The following ATP2C2 variants were observed in gnomAD, a reference collection of about 807,000 sequenced individuals.
The protein encoded by ATP2C2 is ATPase secretory pathway Ca2+ transporting 2.
ATP2C2 carries 171 observed loss-of-function variants against 110.8 expected under a neutral mutation model. The observed-to-expected ratio is 1.54, with a 90% CI of 1.36 to 1.75. ATP2C2 has a LOEUF of 1.75. ATP2C2 is among the 40% of genes most tolerant of loss of function. The probability of loss-of-function intolerance (pLI) is 0.00; values close to 1 mark genes in which losing one functional copy is unlikely to be tolerated. For missense variants in ATP2C2, 1,963 were observed against 1,235.0 expected (o/e 1.59, Z -8.84); for synonymous variants, 804 against 508.4 (o/e 1.58, Z -7.82).
intron 23 of ATP2C2, chr16:84,460,011 G>C (rs74413265): frequency 1.3e-5 from 3 of 229,514 alleles, no homozygotes; most frequent in African/African-American, 6.7e-5. Flanking sequence ...GTGCGTAACC[G>C]TATGAGCACA....
At chr16:84,415,050 C>G (rs571970890) in intron 6 of ATP2C2, among the ~76,000 whole-genome samples, 1 of 152,080 alleles carries the variant, frequency 6.6e-6, no homozygotes, top group African/African-American at 2.4e-5. Context: ...CATGGCCCTG[C>G]GGGAATGGAG....
chr16:84,387,274 C>A (rs542101289), intron 1 of ATP2C2, among the ~76,000 whole-genome samples: 3 of 152,168 alleles, frequency 2.0e-5, no homozygotes, highest in East Asian at 1.9e-4. Flanking sequence ...GTAATCCCAG[C>A]GCGTTGGGAG....
At chr16:84,387,149 T>G (rs1276987871) in intron 1 of ATP2C2, among the ~76,000 whole-genome samples, 1 of 152,068 alleles carries the variant, frequency 6.6e-6, no homozygotes, top group African/African-American at 2.4e-5. Flanking sequence ...CCAGACTGAG[T>G]TCCACTTCTG....
At chr16:84,394,014 AAAAAT>A (rs1567692269) in intron 1 of ATP2C2, among the ~76,000 whole-genome samples, 9 of 149,066 alleles carry the variant, frequency 6.0e-5, no homozygotes, top group African/African-American at 1.8e-4. Flanking sequence ...AAAAAAATAA[AAAAAT>A]AAAAAATAAA....
chr16:84,377,533 C>T (rs978827647), intron 1 of ATP2C2, among the ~76,000 whole-genome samples: 5 of 152,040 alleles, frequency 3.3e-5, no homozygotes, highest in Non-Finnish European at 5.9e-5. Flanking sequence ...TGGCTGCCTT[C>T]CCTGTGTCTT....
chr16:84,403,508 A>T (rs1378496597), intron 2 of ATP2C2, among the ~76,000 whole-genome samples: 2 of 151,908 alleles, frequency 1.3e-5, no homozygotes, highest in African/African-American at 4.8e-5. Flanking sequence ...AGATCATGCT[A>T]TATTGCCCAG....
chr16:84,385,475 C>G (rs574517305), intron 1 of ATP2C2, among the ~76,000 whole-genome samples: 1 of 152,310 alleles, frequency 6.6e-6, no homozygotes, highest in South Asian at 2.1e-4. Context: ...CATTCTCTCT[C>G]ATTTAACGTC....
chr16:84,435,157 T>C (rs1908626864), intron 11 of ATP2C2, among the ~76,000 whole-genome samples: 3 of 152,268 alleles, frequency 2.0e-5, no homozygotes, highest in Admixed American at 2.0e-4. Context: ...CAACATTTAA[T>C]GTACCATATT....
At chr16:84,383,892 C>T (rs779379458) in intron 1 of ATP2C2, among the ~76,000 whole-genome samples, 8 of 149,942 alleles carry the variant, frequency 5.3e-5, no homozygotes, top group Admixed American at 1.3e-4. Flanking sequence ...CAGGCTCAAG[C>T]GATCCTCCAA....
chr16:84,440,773 A>T, intron 13 of ATP2C2, 84 bp from the exon 14 acceptor site: 1 of 998,534 alleles, frequency 1.0e-6, no homozygotes, highest in East Asian at 2.5e-5. Context: ...CCTGGAATGG[A>T]TCCCCAGGAC....
chr16:84,389,219 C>A (rs1248896487), intron 1 of ATP2C2, among the ~76,000 whole-genome samples: 2 of 152,180 alleles, frequency 1.3e-5, no homozygotes, highest in Non-Finnish European at 2.9e-5. Context: ...CTTCTCAGCA[C>A]CTTCATGCCT....
chr16:84,436,119 A>T (rs1292294404), intron 11 of ATP2C2, among the ~76,000 whole-genome samples: 2 of 152,320 alleles, frequency 1.3e-5, no homozygotes, highest in Admixed American at 1.3e-4. Flanking sequence ...ACAGAGTGAG[A>T]CTCCATCTCA....
chr16:84,391,915 C>CT lies in ATP2C2; in HGVS notation c.100-6573dup, dbSNP rs796746301. Among the ~76,000 whole-genome samples, 1,231 of 147,018 alleles carry CT rather than the reference C, an allele frequency of 8.4e-3. 7 individuals carry two copies. The highest frequency in any genetic ancestry group is 0.014 in the South Asian group (67 of 4,646). ...CTCCCTTCATCTTTCCTTCCTTCCT[C>CT]TTTTTTTTTTTAAAACAAAACTAGG... On this transcript the variant is annotated intron_variant, in intron 1 of 26. Transcript: ENST00000262429.
Position 84,422,430 on chromosome 16 carries a change from A to C in ATP2C2, c.665A>C (p.Glu222Ala), listed in dbSNP as rs774606455. 7.9e-5 allele frequency: 128 copies of C among 1,613,882 alleles called. No homozygotes were observed. Among genetic ancestry groups the C allele is most frequent in the Non-Finnish European group, 1.0e-4 (118 of 1,180,006 alleles). Residue 222 changes from glutamate (E) to alanine (A), a missense_variant, in exon 8 of 27, where the codon GAA (glutamate) becomes GCA (alanine). Glu to Ala is a moderately radical substitution (Grantham distance 107). Coordinates refer to ENST00000262429, the MANE Select transcript of ATP2C2 (RefSeq NM_014861.4). The part of the protein sequence containing the change: ...LLVDESSFTG[E>A]AEPCSKTDSP... ...GTGGATGAATCCAGTTTCACCGGGGAAGCCGAGCCATGTAGTAAAACAGAC... is the reference window on the plus strand; with the variant it reads ...GTGGATGAATCCAGTTTCACCGGGGCAGCCGAGCCATGTAGTAAAACAGAC...
At chr16:84,459,436 G>C (rs1389641502) in intron 23 of ATP2C2, 50 bp downstream of exon 23, 1 of 1,604,672 alleles carries the variant, frequency 6.2e-7, no homozygotes, top group East Asian at 2.2e-5. Flanking sequence ...CACCTGCGGG[G>C]CTTCCTCCAG....
chr16:84,450,028 C>T (rs574331972), intron 17 of ATP2C2, among the ~76,000 whole-genome samples: 90 of 152,374 alleles, frequency 5.9e-4, no homozygotes, highest in South Asian at 4.3e-3. Context: ...CCAGCGCCTT[C>T]GCCCGGATGT....
intron 1 of ATP2C2, among the ~76,000 whole-genome samples, chr16:84,394,056 G>C (rs1904828713): frequency 2.0e-5 from 3 of 151,298 alleles, no homozygotes; most frequent in Admixed American, 2.0e-4. Context: ...ACACACACCT[G>C]TAGTCCTAGC....
intron 11 of ATP2C2, among the ~76,000 whole-genome samples, chr16:84,432,937 C>T (rs1457361692): frequency 6.6e-6 from 1 of 152,172 alleles, no homozygotes; most frequent in Non-Finnish European, 1.5e-5. Context: ...CCAGCAAGAA[C>T]AGGACCAGGA....
chr16:84,446,679 T>G (rs1401460660), intron 16 of ATP2C2, among the ~76,000 whole-genome samples: 1 of 152,142 alleles, frequency 6.6e-6, no homozygotes, highest in African/African-American at 2.4e-5. Context: ...ACGCGAGACT[T>G]TATTAGAAAT....
Sources: allele counts gnomAD v4.1 joint callset (sites outside exome capture counted in the v4.1 genomes callset), GRCh38; gene constraint gnomAD v4.1.1; transcripts MANE v1.5; gene names NCBI Gene and HGNC (gene_info 2026-07-23, HGNC 2026-07-21).